ZFR: variants seen among roughly 807,000 people sequenced by gnomAD.
The protein encoded by ZFR is zinc finger RNA-binding protein.
ZFR carries 19 observed loss-of-function variants against 130.7 expected under a neutral mutation model. The observed-to-expected ratio is 0.15, with a 90% CI of 0.10 to 0.21. The LOEUF is 0.21. ZFR is among the 10% of genes least tolerant of loss of function. The probability of loss-of-function intolerance (pLI) is 1.00; values close to 1 mark genes in which losing one functional copy is unlikely to be tolerated. For synonymous variants in ZFR, 466 were observed against 456.9 expected (o/e 1.02, Z -0.25); for missense variants, 872 against 1,321.5 (o/e 0.66, Z 5.27).
intron 2 of ZFR, among the ~76,000 whole-genome samples, chr5:32,438,252 A>T (rs10064505): frequency 0.022 from 1,813 of 83,390 alleles, 295 homozygotes; most frequent in African/African-American, 0.05. Context: ...TTTATCTGAA[A>T]ATTTTTTTTT....
Position 32,415,485 on chromosome 5 carries a change from A to AGTGTGTGTGTGT in ZFR, c.566-310_566-299dup, listed in dbSNP as rs3065262. Among the ~76,000 whole-genome samples, 1,349 of 136,222 alleles carry AGTGTGTGTGTGT rather than the reference A, an allele frequency of 9.9e-3. 17 individuals carry two copies. The highest frequency in any genetic ancestry group is 0.027 in the East Asian group (116 of 4,302). The allele number at this position is 136,222 out of a possible 152,430, so 89.4% of individuals were successfully genotyped here. On this transcript the variant is annotated intron_variant, in intron 4 of 19. Coordinates refer to ENST00000265069, the MANE Select transcript of ZFR (RefSeq NM_016107.5). ...CACTAAACAAACTTTTCTGAAAAGGAGTGTGTGTGTGTGTGTGTGTGTGTG... is the reference window on the plus strand; with the variant it reads ...CACTAAACAAACTTTTCTGAAAAGGAGTGTGTGTGTGTGTGTGTGTGTGTGTGTGTGTGTGTG...
chr5:32,434,286 T>C (rs935314438), intron 2 of ZFR, among the ~76,000 whole-genome samples: 2 of 152,242 alleles, frequency 1.3e-5, no homozygotes, highest in Non-Finnish European at 2.9e-5. Flanking sequence ...AGCTGAAGAC[T>C]TGTAGCCTGA....
intron 18 of ZFR, 33 bp from the exon 19 acceptor site, chr5:32,364,078 T>G: frequency 1.2e-6 from 2 of 1,606,392 alleles, no homozygotes; most frequent in Non-Finnish European, 1.7e-6. Context: ...AGGAAATTAT[T>G]AGCATTGTCC....
In ZFR at chr5:32,438,253, A is replaced by ATTTTTTTTTTTTTTTTTTTT. The variant is rs869249272; in HGVS notation, c.137+5956_137+5975dup. On this transcript the variant is annotated intron_variant, in intron 2 of 19. Coordinates refer to ENST00000265069, the MANE Select transcript of ZFR (RefSeq NM_016107.5). ...AGAATGCTACTGATTTTATCTGAAA[A>ATTTTTTTTTTTTTTTTTTTT]TTTTTTTTTTTTTTTTTTTTTTTTT... Among the ~76,000 whole-genome samples, 33 of 61,074 alleles carry ATTTTTTTTTTTTTTTTTTTT rather than the reference A, an allele frequency of 5.4e-4. 8 individuals are homozygous for ATTTTTTTTTTTTTTTTTTTT. The highest frequency in any genetic ancestry group is 1.2e-3 in the African/African-American group (17 of 13,960). 40.1% of individuals were successfully genotyped at this position (61,074 alleles called of 152,430 possible).
chr5:32,365,152 G>T (rs1561859163), intron 17 of ZFR, among the ~76,000 whole-genome samples: 1 of 152,132 alleles, frequency 6.6e-6, no homozygotes, highest in Non-Finnish European at 1.5e-5. Context: ...GCTTATCCAT[G>T]TTGTAGCTTT....
Position 32,403,936 on chromosome 5 carries a change from A to G in ZFR, c.1194T>C (p.Ala398=), listed in dbSNP as rs1390370401. The G allele has an allele frequency of 1.9e-6, 3 of 1,597,870 alleles. No homozygotes were observed. In the African/African-American group the frequency reaches 4.0e-5, roughly 21 times the overall value. The change falls in exon 7 of 20, where the codon GCT becomes GCC. Residue 398 remains alanine, a synonymous_variant. Coordinates refer to ENST00000265069, the MANE Select transcript of ZFR (RefSeq NM_016107.5). ...DVSCTGADAY[A]AHIRGAKHQK... ...GATGCTTAGCACCACGAATGTGGGCAGCATACGCATCTGCTCCTGTACAAG... is the reference window on the plus strand; with the variant it reads ...GATGCTTAGCACCACGAATGTGGGCGGCATACGCATCTGCTCCTGTACAAG...
At chr5:32,363,455 T>C (rs1333029718) in intron 19 of ZFR, among the ~76,000 whole-genome samples, 1 of 152,246 alleles carries the variant, frequency 6.6e-6, no homozygotes, top group Non-Finnish European at 1.5e-5. Flanking sequence ...TTGAGACAGA[T>C]ACTGCTTTTA....
intron 3 of ZFR, among the ~76,000 whole-genome samples, chr5:32,418,199 G>A (rs1753875080): frequency 6.6e-6 from 1 of 151,152 alleles, no homozygotes. Flanking sequence ...GGCGGAGGTT[G>A]CAGTGAGCCA....
chr5:32,367,126 T>C (rs1752564403), intron 17 of ZFR, among the ~76,000 whole-genome samples: 1 of 151,906 alleles, frequency 6.6e-6, no homozygotes, highest in South Asian at 2.1e-4. Context: ...TGGAAAGCAG[T>C]GGTGTGATTA....
At chr5:32,387,872 A>T (rs1246618997) in intron 13 of ZFR, among the ~76,000 whole-genome samples, 173 bp from the exon 14 acceptor site, 2 of 148,548 alleles carry the variant, frequency 1.3e-5, no homozygotes, top group Non-Finnish European at 3.0e-5. Flanking sequence ...CAATGTGGAT[A>T]AAAAAAAAAA....
rs76715977 is a variant in ZFR at position 32,366,403 on chromosome 5, C to A, written c.2836-2128G>T. Among the ~76,000 whole-genome samples, 159 of 152,290 alleles carry A rather than the reference C, an allele frequency of 1.0e-3. 4 individuals are homozygous for A. In the East Asian group the frequency reaches 0.03, roughly 28 times the overall value. On this transcript the variant is annotated intron_variant, in intron 17 of 19. Transcript: ENST00000265069. ...AAGTAACTCAAAGCTTTTTCAAAAT[C>A]TGTTTATTGATTGGCTTTAAGAATC... is the stretch of plus-strand genomic sequence containing the variant.
chr5:32,382,554 A>G (rs202060925), intron 15 of ZFR, among the ~76,000 whole-genome samples: 1 of 106,938 alleles, frequency 9.4e-6, no homozygotes, highest in East Asian at 4.6e-4. Context: ...ATAAGCATTC[A>G]TAACTTTGGA....
chr5:32,416,513 C>T (rs1753829100), intron 4 of ZFR, among the ~76,000 whole-genome samples: 1 of 151,262 alleles, frequency 6.6e-6, no homozygotes. Context: ...ACTTGAGAGG[C>T]TGAGGCAGGA....
intron 19 of ZFR, among the ~76,000 whole-genome samples, chr5:32,362,022 A>G (rs1169256235): frequency 6.6e-6 from 1 of 152,164 alleles, no homozygotes; most frequent in African/African-American, 2.4e-5. Context: ...CTTGTTCTGC[A>G]TGTGGTTTGT....
chr5:32,409,427 C>T (rs1236769448), intron 5 of ZFR, among the ~76,000 whole-genome samples: 3 of 151,558 alleles, frequency 2.0e-5, no homozygotes, highest in Non-Finnish European at 2.9e-5. Flanking sequence ...ACCGCCCCAC[C>T]CCCCCATTTT....
chr5:32,380,553 T>C (rs1426950129), intron 15 of ZFR: 1 of 158,116 alleles, frequency 6.3e-6, no homozygotes, highest in African/African-American at 2.4e-5. Flanking sequence ...TCGTAAGTTA[T>C]TCTGGAGCTA....
intron 2 of ZFR, among the ~76,000 whole-genome samples, chr5:32,436,139 T>A (rs1754326491): frequency 9.1e-6 from 1 of 109,900 alleles, no homozygotes; most frequent in Non-Finnish European, 1.8e-5. Context: ...ACAGTTGTAT[T>A]CTTTTTTTTT....
At chr5:32,415,272 T>A in intron 4 of ZFR, 85 bp from the exon 5 acceptor site, 1 of 1,239,254 alleles carries the variant, frequency 8.1e-7, no homozygotes, top group Non-Finnish European at 1.2e-6. Context: ...CTGGAAAGAA[T>A]AGGTACAAAC....
intron 19 of ZFR, among the ~76,000 whole-genome samples, chr5:32,359,212 T>A (rs1048664183): frequency 1.3e-5 from 2 of 151,956 alleles, no homozygotes; most frequent in African/African-American, 4.8e-5. Flanking sequence ...AAAAAACCCC[T>A]AAAGCAAGTC....
Sources: allele counts gnomAD v4.1 joint callset (sites outside exome capture counted in the v4.1 genomes callset), GRCh38; gene constraint gnomAD v4.1.1; transcripts MANE v1.5; gene names NCBI Gene and HGNC (gene_info 2026-07-23, HGNC 2026-07-21).